IQSEC1: variants seen among roughly 807,000 people sequenced by gnomAD.
IQSEC1 encodes the protein IQ motif and SEC7 domain-containing protein 1.
A neutral mutation model predicts 91.0 loss-of-function variants in IQSEC1; 31 were observed. That is an observed-to-expected ratio of 0.34 (90% CI 0.26 to 0.46). The LOEUF is 0.46. Among genes scored for constraint, IQSEC1 ranks in the 20% least tolerant of loss-of-function variants. IQSEC1 has a pLI of 1.00. For missense variants in IQSEC1, 1,388 were observed against 1,575.6 expected (o/e 0.88, Z 2.02); for synonymous variants, 699 against 662.6 (o/e 1.05, Z -0.84).
chr3:13,112,585 T>TG lies in IQSEC1; in HGVS notation c.302+51518dup, dbSNP rs541094582. Reference sequence around the variant, plus strand: ...GCTTCCCAGGGAGGGCACTGCGTGCTGGCCCCCAGGCACCTCTGAGCACCT... The same window carrying TG: ...GCTTCCCAGGGAGGGCACTGCGTGCTGGGCCCCCAGGCACCTCTGAGCACCT... On this transcript the variant is annotated intron_variant, in intron 2 of 15. Transcript: ENST00000648114. Among the ~76,000 whole-genome samples the TG allele has an allele frequency of 3.6e-3, 543 of 149,810 alleles. 2 individuals are homozygous for TG. Among genetic ancestry groups the TG allele is most frequent in the African/African-American group, 0.011 (417 of 39,500 alleles).
At chr3:13,199,411 C>T (rs554736191) in intron 1 of IQSEC1, among the ~76,000 whole-genome samples, 39 of 152,284 alleles carry the variant, frequency 2.6e-4, no homozygotes, top group Non-Finnish European at 5.4e-4. Flanking sequence ...GGACAGGGGC[C>T]GTCCAGGGAC....
intron 1 of IQSEC1, among the ~76,000 whole-genome samples, chr3:13,065,887 G>C (rs1407864334): frequency 6.6e-6 from 1 of 152,226 alleles, no homozygotes. Flanking sequence ...TCCGCACAAT[G>C]GAACAGTGTT....
intron 2 of IQSEC1, among the ~76,000 whole-genome samples, chr3:13,153,089 T>C (rs1054224100): frequency 8.5e-6 from 1 of 117,382 alleles, no homozygotes; most frequent in African/African-American, 3.3e-5. Context: ...CCCTCTCCCC[T>C]CCTTCTCCCC....
rs562045747 is a variant in IQSEC1 at position 13,124,891 on chromosome 3, C to T, written c.302+39213G>A. Among the ~76,000 whole-genome samples, 10 of 152,252 alleles carry T rather than the reference C, an allele frequency of 6.6e-5. No homozygotes were observed. In the South Asian group the frequency reaches 1.0e-3, roughly 16 times the overall value. ...CAGCATTATGGTGAGGGTAGGTCCC[C>T]GATCCATATCCACCCGCCCTCACCA... On this transcript the variant is annotated intron_variant, in intron 2 of 15. Coordinates refer to the IQSEC1 transcript ENST00000648114.
intron 1 of IQSEC1, among the ~76,000 whole-genome samples, chr3:13,065,764 C>T (rs1705209850): frequency 6.6e-6 from 1 of 152,164 alleles, no homozygotes; most frequent in African/African-American, 2.4e-5. Context: ...GAACCAGGGA[C>T]TCGGAGAGGT....
chr3:13,085,850 C>G (rs545845419), intron 2 of IQSEC1, among the ~76,000 whole-genome samples: 16 of 152,212 alleles, frequency 1.1e-4, no homozygotes, highest in African/African-American at 3.1e-4. Flanking sequence ...GCCCTTCCTG[C>G]GGGGAACACA....
rs1698617047 is a variant in IQSEC1, at chr3:12,940,151, G to C, written c.318+1420C>G. Among the ~76,000 whole-genome samples the C allele has an allele frequency of 6.6e-6, 1 of 152,074 alleles. No homozygotes were observed. Among genetic ancestry groups the C allele is most frequent in the South Asian group, 2.1e-4 (1 of 4,826 alleles). On this transcript the variant is annotated intron_variant, in intron 2 of 13. Coordinates refer to ENST00000613206, the MANE Select transcript of IQSEC1 (RefSeq NM_001134382.3). The surrounding 1 kb of genome is among the most constrained non-coding windows in gnomAD (Gnocchi z 4.4). Reference sequence around the variant, plus strand: ...TAAACCGTGGTCCACTTTGGATCTGGGCATCACGGATAAAGGAACAGAGGT... The same window carrying C: ...TAAACCGTGGTCCACTTTGGATCTGCGCATCACGGATAAAGGAACAGAGGT...
chr3:13,276,450 C>A (rs1458326923), intron 1 of IQSEC1, among the ~76,000 whole-genome samples: 3 of 152,156 alleles, frequency 2.0e-5, no homozygotes, highest in Non-Finnish European at 4.4e-5. Context: ...TAATGCGGGG[C>A]CACAGGCAAC....
chr3:12,920,955 AGTGG>A (rs1300036155), intron 5 of IQSEC1, among the ~76,000 whole-genome samples: 1 of 152,172 alleles, frequency 6.6e-6, no homozygotes. Flanking sequence ...GGGACATCAC[AGTGG>A]GTGTCAGGCC....
intron 5 of IQSEC1, among the ~76,000 whole-genome samples, chr3:12,920,977 C>T (rs537660879): frequency 2.6e-5 from 4 of 152,266 alleles, no homozygotes; most frequent in Admixed American, 6.5e-5. Flanking sequence ...GCCTGCCCTC[C>T]GGGACCTTGA....
chr3:13,140,632 G>A (rs575922512), intron 2 of IQSEC1, among the ~76,000 whole-genome samples: 1 of 152,336 alleles, frequency 6.6e-6, no homozygotes, highest in African/African-American at 2.4e-5. Flanking sequence ...GCCAGGGGGT[G>A]CCCAGACAGA....
At position 12,936,702 on chromosome 3, in the gene IQSEC1, G is replaced by A. The variant is rs775875140; in HGVS notation, c.319-5C>T. 22 of 1,560,506 alleles carry A rather than the reference G, an allele frequency of 1.4e-5. No individual in the cohort carries two copies. Among genetic ancestry groups the A allele is most frequent in the African/African-American group, 8.2e-5 (6 of 73,450 alleles). ...CTTTCGTTCTAGCATCTCCACCTGC[G>A]GGTGGGAGAGGAGAATGAGAACAGC... On this transcript the variant is annotated splice_polypyrimidine_tract_variant and splice_region_variant and intron_variant, in intron 2 of 13. Coordinates refer to ENST00000613206, the MANE Select transcript of IQSEC1 (RefSeq NM_001134382.3).
chr3:12,941,972 C>T (rs1024271462), intron 1 of IQSEC1, 107 bp from the exon 2 acceptor site: 45 of 1,068,604 alleles, frequency 4.2e-5, no homozygotes, highest in African/African-American at 1.4e-4. Flanking sequence ...CCCCCATGCC[C>T]GTTCTTCTCA....
intron 2 of IQSEC1, among the ~76,000 whole-genome samples, chr3:13,085,314 C>T (rs764263845): frequency 2.2e-4 from 34 of 152,072 alleles, no homozygotes; most frequent in East Asian, 9.7e-4. Context: ...CAGCTCTGGT[C>T]GGGGCAAGCA....
intron 1 of IQSEC1, among the ~76,000 whole-genome samples, chr3:13,026,852 A>G (rs1175612783): frequency 7.8e-6 from 1 of 127,590 alleles, no homozygotes; most frequent in African/African-American, 3.0e-5. Context: ...AGTAGCAGTT[A>G]TTATCTCCCC....
chr3:13,089,997 C>T (rs370420797), intron 2 of IQSEC1, among the ~76,000 whole-genome samples: 15 of 152,280 alleles, frequency 9.9e-5, no homozygotes, highest in East Asian at 5.8e-4. Flanking sequence ...GGGTGGATCA[C>T]GAGGTCAGGA....
chr3:13,119,525 T>C (rs916203772), intron 2 of IQSEC1, among the ~76,000 whole-genome samples: 2 of 152,274 alleles, frequency 1.3e-5, no homozygotes, highest in Admixed American at 1.3e-4. Flanking sequence ...ATCAATAAGC[T>C]ACACAGTAAG....
intron 1 of IQSEC1, among the ~76,000 whole-genome samples, chr3:13,034,909 T>G (rs971698406): frequency 6.6e-6 from 1 of 152,236 alleles, no homozygotes; most frequent in South Asian, 2.1e-4. Context: ...AGTATTCCCA[T>G]GCTCCCAGGG....
intron 1 of IQSEC1, among the ~76,000 whole-genome samples, chr3:13,257,021 C>T (rs535156916): frequency 4.7e-4 from 72 of 152,280 alleles, no homozygotes; most frequent in African/African-American, 1.7e-3. Flanking sequence ...GCCCAGTTTT[C>T]CCTTTTGTAA....
Sources: allele counts gnomAD v4.1 joint callset (sites outside exome capture counted in the v4.1 genomes callset), GRCh38; gene constraint gnomAD v4.1.1; non-coding constraint Gnocchi (gnomAD v3.1); transcripts MANE v1.5; gene names NCBI Gene and HGNC (gene_info 2026-07-23, HGNC 2026-07-21).